Variants in PRDM16 observed in about 807,000 individuals in gnomAD.
PRDM16 encodes PR/SET domain 16.
In PRDM16, 23 loss-of-function variants were observed where a neutral mutation model predicts 110.6. The ratio of observed to expected loss-of-function variants is 0.21; its 90% CI spans 0.15 to 0.29. The LOEUF (loss-of-function observed/expected upper bound fraction) is 0.29, where lower values mean the gene tolerates loss of function less well. Among genes scored for constraint, PRDM16 ranks in the 10% least tolerant of loss-of-function variants. The pLI, the probability that PRDM16 is intolerant of heterozygous loss-of-function variation, is 1.00. For synonymous variants in PRDM16, 799 were observed against 781.8 expected (o/e 1.02, Z -0.37); for missense variants, 1,615 against 1,794.3 (o/e 0.90, Z 1.81).
At chr1:3,414,098 G>A (rs1048703078) in intron 9 of PRDM16, among the ~76,000 whole-genome samples, 43 of 152,200 alleles carry the variant, frequency 2.8e-4, no homozygotes, top group African/African-American at 8.9e-4. Context: ...TGTGAGCCAC[G>A]CTCTGCTGTG....
Position 3,175,809 on chromosome 1 carries a change from C to T in PRDM16, c.38-10316C>T, listed in dbSNP as rs779792796. ...GCCCAGACGTTCCTCTCAGATGAGC[C>T]GATCAGGGTCAAGGGCAGAGAGGAG... On this transcript the variant is annotated intron_variant, in intron 1 of 16. Coordinates refer to ENST00000270722, the MANE Select transcript of PRDM16 (RefSeq NM_022114.4). The surrounding 1 kb of genome is among the most constrained non-coding windows in gnomAD (Gnocchi z 4.8). 1.3e-5 allele frequency among the ~76,000 whole-genome samples: 2 copies of T among 152,098 alleles called. No homozygotes were observed. Among genetic ancestry groups the T allele is most frequent in the Admixed American group, 6.6e-5 (1 of 15,264 alleles).
At position 3,425,457 on chromosome 1, in the gene PRDM16, G is replaced by A. The variant is rs896180846; in HGVS notation, c.2940-124G>A. On this transcript the variant is annotated intron_variant, in intron 12 of 16. Coordinates refer to ENST00000270722, the MANE Select transcript of PRDM16 (RefSeq NM_022114.4). This position sits in a 1 kb window ranked among gnomAD's most constrained non-coding sequence, Gnocchi z 6.9. ...GGAGATCCAGCAACCTCCGGGACAC[G>A]GCGGGGCAAAGCTGTGCACGGGGCA... 23 of 1,048,132 alleles carry A rather than the reference G, an allele frequency of 2.2e-5. No homozygotes were observed. Among genetic ancestry groups the A allele is most frequent in the Middle Eastern group, 2.7e-4 (1 of 3,708 alleles). The allele number at this position is 1,048,132 out of a possible 1,614,324, so 64.9% of individuals were successfully genotyped here. A position where few individuals can be genotyped will look rare whatever the true frequency, so the allele number is the denominator to read the frequency against.
rs182035400 is a variant in PRDM16, at chr1:3,165,567, T to C, written c.38-20558T>C. 7.1e-3 allele frequency among the ~76,000 whole-genome samples: 790 copies of C among 111,094 alleles called. 53 individuals carry two copies. Among genetic ancestry groups the C allele is most frequent in the Non-Finnish European group, 0.01 (596 of 58,714 alleles). The allele number at this position is 111,094 out of a possible 152,430, so 72.9% of individuals were successfully genotyped here. A position where few individuals can be genotyped will look rare whatever the true frequency, so the allele number is the denominator to read the frequency against. ...CTCAGGGACAGGGACTCACCAGGGC[T>C]CAGGGACAGGGACTCACCTGGGCCC... On this transcript the variant is annotated intron_variant, in intron 1 of 16. Transcript: ENST00000270722.
intron 12 of PRDM16, among the ~76,000 whole-genome samples, chr1:3,421,988 G>GCAGA (rs1228820613): frequency 1.3e-5 from 2 of 148,148 alleles, no homozygotes; most frequent in East Asian, 3.9e-4. Flanking sequence ...GGACAGACAG[G>GCAGA]CAGACAGACA....
intron 1 of PRDM16, among the ~76,000 whole-genome samples, chr1:3,139,873 C>A (rs1643513197): frequency 6.6e-6 from 1 of 152,240 alleles, no homozygotes; most frequent in South Asian, 2.1e-4. Flanking sequence ...CTCTTTTCCT[C>A]CTCCCTGGTT....
intron 3 of PRDM16, among the ~76,000 whole-genome samples, chr1:3,257,119 C>T (rs941937985): frequency 2.6e-5 from 4 of 152,118 alleles, no homozygotes; most frequent in Non-Finnish European, 4.4e-5. Context: ...CAGTAAGTGG[C>T]GAAGGTAGTC....
intron 3 of PRDM16, among the ~76,000 whole-genome samples, chr1:3,318,578 T>G (rs1641667012): frequency 6.7e-6 from 1 of 149,338 alleles, no homozygotes; most frequent in Non-Finnish European, 1.5e-5. Flanking sequence ...ATCAGTCGAT[T>G]GATCATCTAT....
intron 2 of PRDM16, among the ~76,000 whole-genome samples, chr1:3,232,176 C>T (rs1156810647): frequency 6.6e-6 from 1 of 152,190 alleles, no homozygotes; most frequent in African/African-American, 2.4e-5. Context: ...TCTTCATCTC[C>T]CTCTCCCTTC....
At chr1:3,173,873 A>G (rs1245461911) in intron 1 of PRDM16, among the ~76,000 whole-genome samples, 1 of 152,078 alleles carries the variant, frequency 6.6e-6, no homozygotes, top group African/African-American at 2.4e-5. Flanking sequence ...GGGGCCAACA[A>G]CCTGCTTCAG....
intron 1 of PRDM16, among the ~76,000 whole-genome samples, chr1:3,149,990 G>T (rs968527828): frequency 3.9e-5 from 6 of 152,238 alleles, no homozygotes; most frequent in African/African-American, 1.4e-4. Context: ...GGACCAAGAG[G>T]CCAGGACAAG....
intron 1 of PRDM16, among the ~76,000 whole-genome samples, chr1:3,091,809 C>T (rs1441406920): frequency 6.6e-6 from 1 of 152,198 alleles, no homozygotes; most frequent in African/African-American, 2.4e-5. Flanking sequence ...GATGGAGGGG[C>T]CCCCACTTGC....
chr1:3,194,673 C>T (rs1459818854), intron 2 of PRDM16, among the ~76,000 whole-genome samples: 27 of 133,374 alleles, frequency 2.0e-4, no homozygotes, highest in African/African-American at 4.2e-4. Context: ...CCACATGCCA[C>T]CGTCTGATCG....
rs1191296030 is a variant in PRDM16, at chr1:3,434,351, A to G, written c.*540A>G. On this transcript the variant is annotated 3_prime_UTR_variant, in exon 17 of 17. Transcript: ENST00000270722. ...AAAAATGACTTGCAAATTGTTTTTT[A>G]AAAGTAATTTTGCATTGCTTTGAAA... The G allele has an allele frequency of 4.3e-6, 1 of 232,712 alleles. No individual in the cohort carries two copies. Among genetic ancestry groups the G allele is most frequent in the Non-Finnish European group, 8.5e-6 (1 of 117,872 alleles). 14.4% of individuals were successfully genotyped at this position (232,712 alleles called of 1,614,324 possible). A position where few individuals can be genotyped will look rare whatever the true frequency, so the allele number is the denominator to read the frequency against.
intron 1 of PRDM16, among the ~76,000 whole-genome samples, chr1:3,120,728 G>A (rs1298069830): frequency 6.6e-6 from 1 of 152,208 alleles, no homozygotes; most frequent in African/African-American, 2.4e-5. Context: ...GAGAGGGTCT[G>A]GAAGCGGTGG....
intron 3 of PRDM16, among the ~76,000 whole-genome samples, chr1:3,324,267 GC>G (rs1229577434): frequency 6.6e-6 from 1 of 151,998 alleles, no homozygotes; most frequent in Non-Finnish European, 1.5e-5. Flanking sequence ...AGGGGGCTCC[GC>G]CTGCAGGGTC....
chr1:3,160,416 C>T (rs1419468686), intron 1 of PRDM16, among the ~76,000 whole-genome samples: 1 of 152,172 alleles, frequency 6.6e-6, no homozygotes, highest in Non-Finnish European at 1.5e-5. Context: ...ACATCATCCT[C>T]ATTGATGAAC....
chr1:3,118,111 G>T (rs1410805884), intron 1 of PRDM16, among the ~76,000 whole-genome samples: 1 of 129,070 alleles, frequency 7.7e-6, no homozygotes, highest in African/African-American at 2.7e-5. Context: ...GCATGTGTGT[G>T]TGCGTGTGCG....
chr1:3,317,368 C>G (rs1033698818), intron 3 of PRDM16, among the ~76,000 whole-genome samples: 2 of 152,210 alleles, frequency 1.3e-5, no homozygotes, highest in South Asian at 4.1e-4. Context: ...CCCCAGCTGA[C>G]AAGGACGGAC....
Position 3,175,184 on chromosome 1 carries a change from A to T in PRDM16, c.38-10941A>T, listed in dbSNP as rs1644071180. Among the ~76,000 whole-genome samples the T allele has an allele frequency of 6.6e-6, 1 of 152,236 alleles. No individual in the cohort carries two copies. The highest frequency in any genetic ancestry group is 2.4e-5 in the African/African-American group (1 of 41,464). On this transcript the variant is annotated intron_variant, in intron 1 of 16. Coordinates refer to ENST00000270722, the MANE Select transcript of PRDM16 (RefSeq NM_022114.4). This position sits in a 1 kb window ranked among gnomAD's most constrained non-coding sequence, Gnocchi z 4.8. ...AGTTTTAAAGACAGAAGAACAAGAT[A>T]GAACTCCATCAGTTCCCAAGTTTCT... is the stretch of plus-strand genomic sequence containing the variant.
Sources: gnomAD v4.1 joint callset for allele counts (sites outside exome capture counted in the v4.1 genomes callset) on GRCh38, gnomAD v4.1.1 for gene constraint, Gnocchi (gnomAD v3.1) non-coding constraint, MANE v1.5 for transcripts, NCBI Gene and HGNC (gene_info 2026-07-23, HGNC 2026-07-21) for gene names.